Variants in CPT1C observed in about 807,000 individuals in gnomAD.
CPT1C encodes the protein palmitoyl thioesterase CPT1C.
CPT1C carries 61 observed loss-of-function variants against 97.3 expected under a neutral mutation model. That is an observed-to-expected ratio of 0.63 (90% CI 0.51 to 0.78). The LOEUF (loss-of-function observed/expected upper bound fraction) is 0.78. Among genes scored for constraint, CPT1C ranks in the 30% least tolerant of loss-of-function variants. CPT1C has a pLI of 0.00. For missense variants in CPT1C, 975 were observed against 1,065.5 expected (o/e 0.92, Z 1.18); for synonymous variants, 469 against 447.2 (o/e 1.05, Z -0.61).
Position 49,712,812 on chromosome 19 carries a change from A to G in CPT1C, c.2096A>G (p.Tyr699Cys), listed in dbSNP as rs560400924. The G allele has an allele frequency of 6.2e-7, 1 of 1,613,786 alleles. No homozygotes were observed. The highest frequency in any genetic ancestry group is 1.3e-5 in the African/African-American group (1 of 74,892). The change falls in exon 18 of 20, where the codon TAC becomes TGC. Residue 699 changes from tyrosine to cysteine, a missense_variant. Physicochemically the swap from Tyr to Cys is radical, Grantham distance 194. This residue lies in a region of CPT1C where 344 missense variants were observed against 395.7 expected (regional missense o/e 0.87). Transcript: ENST00000598293. ...QQMHLFDVHN[Y>C]PDYVSSGGGF... is the part of the protein sequence containing the mutation. ...ATGCATCTGTTTGACGTCCACAATTACCCGGACTATGTTTCCTCAGGCGGT... is the reference window on the plus strand; with the variant it reads ...ATGCATCTGTTTGACGTCCACAATTGCCCGGACTATGTTTCCTCAGGCGGT...
In CPT1C at chr19:49,706,419, T is replaced by C. The variant is rs1040650134; in HGVS notation, c.1343+6T>C. ...GCCGGCCGGGGCCATGATCGGTGAG[T>C]GAGTCTTGGGATGGGGCCCCCAGAT... On this transcript the variant is annotated splice_donor_region_variant and intron_variant, in intron 12 of 19. Coordinates refer to ENST00000598293, the MANE Select transcript of CPT1C (RefSeq NM_001199753.2). The surrounding 1 kb of genome is among the most constrained non-coding windows in gnomAD (Gnocchi z 4.8). 8.1e-6 allele frequency: 12 copies of C among 1,473,036 alleles called. No homozygotes were observed. In the African/African-American group the frequency reaches 1.6e-4, roughly 20 times the overall value. The allele number at this position is 1,473,036 out of a possible 1,614,324, so 91.2% of individuals were successfully genotyped here. A position where few individuals can be genotyped will look rare whatever the true frequency, so the allele number is the denominator to read the frequency against.
At position 49,713,689 on chromosome 19, in the gene CPT1C, T is replaced by C. The variant is rs1451234712; in HGVS notation, c.*84T>C. On this transcript the variant is annotated 3_prime_UTR_variant, in exon 20 of 20. Coordinates refer to ENST00000598293, the MANE Select transcript of CPT1C (RefSeq NM_001199753.2). ...CTGACACAGGACAGGGGCAACTGGT[T>C]TGGCAACCCCACATCCAGGCCAATA... 2 of 1,305,024 alleles carry C rather than the reference T, an allele frequency of 1.5e-6. No individual in the cohort carries two copies. The highest frequency in any genetic ancestry group is 2.1e-6 in the Non-Finnish European group (2 of 935,674). The allele number at this position is 1,305,024 out of a possible 1,614,324, so 80.8% of individuals were successfully genotyped here.
chr19:49,704,266 G>A (rs748975808), intron 7 of CPT1C, among the ~76,000 whole-genome samples: 18 of 152,238 alleles, frequency 1.2e-4, no homozygotes, highest in Non-Finnish European at 2.1e-4. Flanking sequence ...CTGCCTCCCC[G>A]ACTCAAGCGA....
At position 49,701,313 on chromosome 19, in the gene CPT1C, C is replaced by T; in HGVS notation, c.454-4C>T. 6.2e-7 allele frequency: 1 copy of T among 1,610,964 alleles called. No homozygotes were observed. On this transcript the variant is annotated splice_region_variant and splice_polypyrimidine_tract_variant and intron_variant, in intron 5 of 19. Transcript: ENST00000598293. The stretch of plus-strand genomic sequence containing the variant: ...TTAATGACCCGGTAACTCCTCCTCC[C>T]CAGGCCCTGGTCCGCATCTTCTCTG...
rs1384930391 is a variant in CPT1C at position 49,710,343 on chromosome 19, C to T, written c.1590C>T (p.Ala530=). Residue 530 remains alanine, a synonymous_variant, in exon 15 of 20, where the codon GCC becomes GCT. Coordinates refer to ENST00000598293, the MANE Select transcript of CPT1C (RefSeq NM_001199753.2). ...AGATCCACTCCTCCATCTCTCTAGC[C>T]CTGAGGGGAGCCAAGATCTTGTCTG... ...PDQIHSSISL[A]LRGAKILSEN... The T allele has an allele frequency of 3.1e-6, 5 of 1,614,072 alleles. No homozygotes were observed. In the East Asian group the frequency reaches 6.7e-5, roughly 22 times the overall value.
chr19:49,712,380 G>A, intron 17 of CPT1C: 1 of 338,918 alleles, frequency 3.0e-6, no homozygotes, highest in Non-Finnish European at 5.4e-6. Context: ...GTTGAGAAAG[G>A]ATGCGTCAGC....
intron 7 of CPT1C, among the ~76,000 whole-genome samples, chr19:49,704,284 G>A (rs2083377396): frequency 6.6e-6 from 1 of 152,278 alleles, no homozygotes; most frequent in African/African-American, 2.4e-5. Flanking sequence ...CGATTCTCCT[G>A]CCTCAGGCTA....
intron 4 of CPT1C, among the ~76,000 whole-genome samples, chr19:49,698,435 G>A (rs548745946): frequency 1.7e-4 from 26 of 151,892 alleles, no homozygotes; most frequent in African/African-American, 6.3e-4. Flanking sequence ...GGCCGAGGTG[G>A]CCAGATCACC....
chr19:49,708,253 G>A (rs1360632491), intron 13 of CPT1C, among the ~76,000 whole-genome samples: 2 of 152,036 alleles, frequency 1.3e-5, no homozygotes, highest in Non-Finnish European at 2.9e-5. Flanking sequence ...GGGAGGTCAA[G>A]GCAGGAAGAT....
At chr19:49,695,443 C>A (rs1009695834) in intron 3 of CPT1C, among the ~76,000 whole-genome samples, 1 of 151,604 alleles carries the variant, frequency 6.6e-6, no homozygotes, top group Admixed American at 6.6e-5. Flanking sequence ...GCCACCAGGC[C>A]CGGCTAATTT....
At position 49,708,809 on chromosome 19, in the gene CPT1C, C is replaced by T; in HGVS notation, c.1536C>T (p.Pro512=). ...ACCCGGACCCCACACTACCCCAGCC[C>T]CAGCGGCTGCAATGGGACCTTCCAG... The part of the protein sequence containing the change: ...KGHPDPTLPQ[P]QRLQWDLPDQ... Residue 512 remains proline (P), a synonymous_variant, in exon 14 of 20, where the codon CCC becomes CCT. Transcript: ENST00000598293. 1.9e-6 allele frequency: 3 copies of T among 1,613,744 alleles called. No homozygotes were observed. The highest frequency in any genetic ancestry group is 2.5e-6 in the Non-Finnish European group (3 of 1,179,826).
Position 49,706,154 on chromosome 19 carries a change from C to T in CPT1C, c.1160+50C>T. 1 of 1,574,168 alleles carries T rather than the reference C, an allele frequency of 6.4e-7. No individual in the cohort carries two copies. Among genetic ancestry groups the T allele is most frequent in the Non-Finnish European group, 8.6e-7 (1 of 1,158,386 alleles). On this transcript the variant is annotated intron_variant, in intron 11 of 19. Transcript: ENST00000598293. This position sits in a 1 kb window ranked among gnomAD's most constrained non-coding sequence, Gnocchi z 4.8. ...GGGGCTCTCAGAGGCCGCCAGTGTC[C>T]TGAGACTGTGGAAGGGCAGGGTGGG...
intron 7 of CPT1C, 67 bp from the exon 8 acceptor site, chr19:49,704,643 C>A: frequency 1.6e-6 from 2 of 1,273,466 alleles, no homozygotes; most frequent in Non-Finnish European, 2.3e-6. Flanking sequence ...GGGGCCTTCC[C>A]TGTCCTACTG....
intron 3 of CPT1C, among the ~76,000 whole-genome samples, chr19:49,695,887 T>TC (rs2082644015): frequency 5.3e-5 from 8 of 151,722 alleles, no homozygotes; most frequent in Admixed American, 5.3e-4. Flanking sequence ...GGCCTTTTTT[T>TC]TGAGACAGCG....
chr19:49,711,878 A>G lies in CPT1C; in HGVS notation c.1936A>G (p.Ser646Gly). The G allele has an allele frequency of 6.2e-7, 1 of 1,614,142 alleles. No individual in the cohort carries two copies. Among genetic ancestry groups the G allele is most frequent in the Non-Finnish European group, 8.5e-7 (1 of 1,180,042 alleles). The change falls in exon 17 of 20, where the codon AGC becomes GGC. Residue 646 changes from serine to glycine, a missense_variant. By Grantham distance (56) the Ser-to-Gly change is moderately conservative. Transcript: ENST00000598293. ...CCAGGCTCTGCTGAAGGCAGCCATG[A>G]GCGGGCAGGGAGTTGACCGCCACCT... The part of the protein sequence containing the change: ...KHQALLKAAM[S>G]GQGVDRHLFA...
At chr19:49,702,327 C>T (rs2083221312) in intron 7 of CPT1C, among the ~76,000 whole-genome samples, 1 of 150,250 alleles carries the variant, frequency 6.7e-6, no homozygotes, top group Non-Finnish European at 1.5e-5. Flanking sequence ...ACCAGAATTC[C>T]AGGACTTAGC....
intron 5 of CPT1C, 52 bp downstream of exon 5, chr19:49,700,907 T>G: frequency 1.6e-5 from 24 of 1,541,534 alleles, no homozygotes; most frequent in African/African-American, 2.7e-5. Context: ...CGCTTATCTA[T>G]TCCCCTCTCT....
rs1274051670 is a variant in CPT1C at position 49,705,033 on chromosome 19, T to G, written c.798T>G (p.Pro266=). The change falls in exon 9 of 20, where the codon CCT becomes CCG. Residue 266 remains proline (P), a synonymous_variant. Transcript: ENST00000598293. ...MMDFLYVTPT[P]LQAARAGNAV... ...ACTTCCTGTATGTCACACCCACGCC[T>G]CTGCAGGCAGCTCGCGCTGGGAATG... The G allele has an allele frequency of 6.2e-7, 1 of 1,607,664 alleles. No homozygotes were observed. Among genetic ancestry groups the G allele is most frequent in the African/African-American group, 1.3e-5 (1 of 74,738 alleles).
intron 5 of CPT1C, among the ~76,000 whole-genome samples, chr19:49,701,090 CG>C (rs1256978384): frequency 9.6e-6 from 1 of 104,478 alleles, no homozygotes; most frequent in African/African-American, 3.2e-5. Flanking sequence ...TCTCTACCCC[CG>C]ACTCTCTCTG....
Sources: allele counts gnomAD v4.1 joint callset (sites outside exome capture counted in the v4.1 genomes callset), GRCh38; gene constraint gnomAD v4.1.1; regional missense constraint gnomAD v4.1.1; non-coding constraint Gnocchi (gnomAD v3.1); transcripts MANE v1.5; gene names NCBI Gene and HGNC (gene_info 2026-07-23, HGNC 2026-07-21).